Variants in BCKDHB observed in about 807,000 individuals in gnomAD.
BCKDHB encodes 2-oxoisovalerate dehydrogenase subunit beta, mitochondrial.
Under a neutral mutation model 48.5 loss-of-function variants are expected in BCKDHB, and 41 were observed. The observed-to-expected ratio is 0.85, with a 90% CI of 0.66 to 1.10. BCKDHB has a LOEUF of 1.10. Among genes scored for constraint, BCKDHB ranks in the 50% least tolerant of loss-of-function variants. The probability of loss-of-function intolerance (pLI) is 0.00; values close to 1 mark genes in which losing one functional copy is unlikely to be tolerated. For synonymous variants in BCKDHB, 201 were observed against 174.8 expected (o/e 1.15, Z -1.18); for missense variants, 496 against 494.2 (o/e 1.00, Z -0.03).
chr6:80,226,501 G>C (rs1446857062), intron 8 of BCKDHB, among the ~76,000 whole-genome samples: 3 of 152,062 alleles, frequency 2.0e-5, no homozygotes, highest in Non-Finnish European at 4.4e-5. Flanking sequence ...ATCCCTTTTT[G>C]GCCCACTGGT....
chr6:80,182,567 C>G (rs752725405), intron 6 of BCKDHB, among the ~76,000 whole-genome samples: 2 of 152,144 alleles, frequency 1.3e-5, no homozygotes, highest in Non-Finnish European at 2.9e-5. Context: ...CATCACAGAA[C>G]TATATAGCAT....
At chr6:80,129,508 C>A (rs1232119349) in intron 3 of BCKDHB, among the ~76,000 whole-genome samples, 1 of 152,084 alleles carries the variant, frequency 6.6e-6, no homozygotes, top group African/African-American at 2.4e-5. Flanking sequence ...TGTCCAAGAA[C>A]CTTTGGTGTT....
chr6:80,441,331 T>C, the BCKDHB span, among the ~76,000 whole-genome samples: 2 of 152,148 alleles, frequency 1.3e-5, no homozygotes, highest in African/African-American at 2.4e-5. Context: ...ATTGAACATA[T>C]TGCCTTATTC....
At chr6:80,273,338 C>T in intron 9 of BCKDHB, 117 bp downstream of exon 9, 1 of 864,030 alleles carries the variant, frequency 1.2e-6, no homozygotes, top group Non-Finnish European at 1.9e-6. Context: ...AAATGTAGTG[C>T]ATGCTTTCAT....
chr6:80,108,559 T>TAAAA (rs35042481), intron 1 of BCKDHB, among the ~76,000 whole-genome samples: 1 of 137,436 alleles, frequency 7.3e-6, no homozygotes, highest in Non-Finnish European at 1.6e-5. Context: ...GGATAAAAAG[T>TAAAA]AAAAAAAAAA....
chr6:80,444,042 G>T, the BCKDHB span, among the ~76,000 whole-genome samples: 1 of 151,898 alleles, frequency 6.6e-6, no homozygotes, highest in Non-Finnish European at 1.5e-5. Flanking sequence ...CTACTCTCTA[G>T]ATTATGATAT....
chr6:80,184,776 G>T lies in BCKDHB; in HGVS notation c.742+13386G>T, dbSNP rs1773566552. On this transcript the variant is annotated intron_variant, in intron 6 of 9. Coordinates refer to ENST00000320393, the MANE Select transcript of BCKDHB (RefSeq NM_183050.4). The stretch of plus-strand genomic sequence containing the variant: ...TAAAGATAGGACCCTAATCCCTCTT[G>T]GCTTGTAGGGTTTCTGCTGAGAAAT... Among the ~76,000 whole-genome samples the T allele has an allele frequency of 2.6e-5, 4 of 152,200 alleles. No homozygotes were observed. In the South Asian group the frequency reaches 8.3e-4, roughly 32 times the overall value.
At chr6:80,159,346 TAAAAA>T (rs777412801) in intron 3 of BCKDHB, among the ~76,000 whole-genome samples, 11 of 151,762 alleles carry the variant, frequency 7.2e-5, no homozygotes, top group Middle Eastern at 6.8e-3. Flanking sequence ...GAGACTAGAT[TAAAAA>T]AAAATCAGTT....
At chr6:80,367,669 G>C in the BCKDHB span, among the ~76,000 whole-genome samples, 15 of 152,324 alleles carry the variant, frequency 9.8e-5, no homozygotes, top group Middle Eastern at 3.4e-3. Flanking sequence ...TGAACAGAAA[G>C]CATAGCCTCT....
In BCKDHB at chr6:80,138,310, T is replaced by C. The variant is rs530034669; in HGVS notation, c.343+9081T>C. Among the ~76,000 whole-genome samples the C allele has an allele frequency of 5.5e-4, 84 of 152,246 alleles. 1 individual carries two copies. Among genetic ancestry groups the C allele is most frequent in the Non-Finnish European group, 7.6e-4 (52 of 68,014 alleles). On this transcript the variant is annotated intron_variant, in intron 3 of 9. Coordinates refer to ENST00000320393, the MANE Select transcript of BCKDHB (RefSeq NM_183050.4). ...GAATTCTTTTTTTTTATTATTATTA[T>C]ACTTTAAGTTTTAGGGTACATATGC...
the BCKDHB span, among the ~76,000 whole-genome samples, chr6:80,390,454 C>G: frequency 6.6e-6 from 1 of 152,214 alleles, no homozygotes; most frequent in Non-Finnish European, 1.5e-5. Flanking sequence ...CTGTAGTTGT[C>G]ATGAGTATTT....
the BCKDHB span, among the ~76,000 whole-genome samples, chr6:80,398,963 C>A: frequency 0.15 from 23,252 of 151,838 alleles, 3,471 homozygotes; most frequent in African/African-American, 0.38. Flanking sequence ...ATCAATAAAT[C>A]AATAAATGTA....
At chr6:80,167,655 C>CT in intron 3 of BCKDHB, 23 bp from the exon 4 acceptor site, 1 of 1,586,560 alleles carries the variant, frequency 6.3e-7, no homozygotes, top group Non-Finnish European at 8.7e-7. Context: ...CCACATTAAC[C>CT]TTTTTTTCTT....
intron 8 of BCKDHB, among the ~76,000 whole-genome samples, chr6:80,211,709 T>C (rs951391073): frequency 6.6e-6 from 1 of 152,138 alleles, no homozygotes; most frequent in African/African-American, 2.4e-5. Flanking sequence ...TGTTATTCTA[T>C]CAGGGGAACC....
the BCKDHB span, among the ~76,000 whole-genome samples, chr6:80,407,258 G>A: frequency 2.0e-5 from 3 of 152,108 alleles, no homozygotes; most frequent in Admixed American, 6.6e-5. Flanking sequence ...GGTTACTGTA[G>A]CCTTGTAGCA....
At chr6:80,434,127 A>AT in the BCKDHB span, among the ~76,000 whole-genome samples, 5,567 of 151,064 alleles carry the variant, frequency 0.037, 325 homozygotes, top group African/African-American at 0.13. Context: ...TGGGTTAACA[A>AT]TTTTTTTTTC....
intron 9 of BCKDHB, among the ~76,000 whole-genome samples, chr6:80,320,225 T>C (rs893191060): frequency 1.3e-5 from 2 of 152,206 alleles, no homozygotes; most frequent in South Asian, 4.1e-4. Flanking sequence ...TGCTTTATAA[T>C]GTACATAGAC....
At chr6:80,238,175 G>A (rs1776223442) in intron 8 of BCKDHB, among the ~76,000 whole-genome samples, 1 of 152,166 alleles carries the variant, frequency 6.6e-6, no homozygotes, top group Admixed American at 6.5e-5. Context: ...TTGGCTTATA[G>A]CAACCTCCGC....
intron 8 of BCKDHB, 92 bp downstream of exon 8, chr6:80,203,304 C>CT: frequency 1.1e-6 from 1 of 941,474 alleles, no homozygotes; most frequent in Non-Finnish European, 1.7e-6. Context: ...AAATTGTGAG[C>CT]TATGTGAGCA....
Sources: gnomAD v4.1 joint callset for allele counts (sites outside exome capture counted in the v4.1 genomes callset) on GRCh38, gnomAD v4.1.1 for gene constraint, MANE v1.5 for transcripts, NCBI Gene and HGNC (gene_info 2026-07-23, HGNC 2026-07-21) for gene names.